Variants in PPP1R13B observed in about 807,000 individuals in gnomAD.
The protein encoded by PPP1R13B is apoptosis-stimulating of p53 protein 1.
In PPP1R13B, 44 loss-of-function variants were observed where a neutral mutation model predicts 119.8. The observed-to-expected ratio is 0.37, with a 90% CI of 0.29 to 0.47. The LOEUF (loss-of-function observed/expected upper bound fraction) is 0.47, where lower values mean the gene tolerates loss of function less well. Among genes scored for constraint, PPP1R13B ranks in the 20% least tolerant of loss-of-function variants. PPP1R13B has a pLI of 0.99. For synonymous variants in PPP1R13B, 542 were observed against 561.5 expected (o/e 0.97, Z 0.49); for missense variants, 1,227 against 1,413.5 (o/e 0.87, Z 2.12).
At chr14:103,820,920 T>C (rs1427022210) in intron 1 of PPP1R13B, among the ~76,000 whole-genome samples, 1 of 152,170 alleles carries the variant, frequency 6.6e-6, no homozygotes, top group Non-Finnish European at 1.5e-5. Flanking sequence ...GATAACTTTT[T>C]GTTTTTCTTG....
intron 4 of PPP1R13B, among the ~76,000 whole-genome samples, chr14:103,765,407 A>C (rs1395304558): frequency 6.6e-6 from 1 of 152,108 alleles, no homozygotes; most frequent in African/African-American, 2.4e-5. Context: ...CACCTTGCCA[A>C]AACATCCACT....
chr14:103,742,548 G>A lies in PPP1R13B; in HGVS notation c.1320+106C>T. On this transcript the variant is annotated intron_variant, in intron 10 of 16. Transcript: ENST00000202556. The surrounding 1 kb of genome is among the most constrained non-coding windows in gnomAD (Gnocchi z 4.9). The stretch of plus-strand genomic sequence containing the variant: ...TTGGGTGTTGTCTGGACAATAACAG[G>A]ATTAACTTGCCTCCTGACAAGTCAT... The A allele has an allele frequency of 6.9e-7, 1 of 1,444,042 alleles. No homozygotes were observed. Among genetic ancestry groups the A allele is most frequent in the East Asian group, 2.3e-5 (1 of 43,728 alleles). The allele number at this position is 1,444,042 out of a possible 1,614,324, so 89.5% of individuals were successfully genotyped here. A position where few individuals can be genotyped will look rare whatever the true frequency, so the allele number is the denominator to read the frequency against.
At position 103,734,710 on chromosome 14, in the gene PPP1R13B, A is replaced by G. The variant is rs1420716830; in HGVS notation, c.*444T>C. On this transcript the variant is annotated 3_prime_UTR_variant, in exon 17 of 17. Transcript: ENST00000202556. ...GGATCATGTGTGGGAAGTGTGAGAA[A>G]GGATGAGTGTCCGATTCGGTGACGG... 4.4e-6 allele frequency: 2 copies of G among 458,374 alleles called. No individual in the cohort carries two copies. The highest frequency in any genetic ancestry group is 6.9e-5 in the East Asian group (1 of 14,522). The allele number at this position is 458,374 out of a possible 1,614,324, so 28.4% of individuals were successfully genotyped here.
Position 103,738,920 on chromosome 14 carries a change from C to T in PPP1R13B, c.2696G>A (p.Gly899Glu). Residue 899 changes from glycine (G) to glutamate (E), a missense_variant, in exon 13 of 17, where the codon GGA becomes GAA. By Grantham distance (98) the Gly-to-Glu change is moderately conservative. Coordinates refer to ENST00000202556, the MANE Select transcript of PPP1R13B (RefSeq NM_015316.3). The surrounding 1 kb of genome is among the most constrained non-coding windows in gnomAD (Gnocchi z 5.6). ...LALLLDASLE[G>E]EFDLVQRIIY... ...GATCCTCTGCACCAGATCGAACTCT[C>T]CTTCCAGAGACGCGTCTAGGAGCAG... 1 of 1,614,138 alleles carries T rather than the reference C, an allele frequency of 6.2e-7. No individual in the cohort carries two copies. The highest frequency in any genetic ancestry group is 8.5e-7 in the Non-Finnish European group (1 of 1,180,014).
chr14:103,753,733 T>C (rs2084605786), intron 6 of PPP1R13B, among the ~76,000 whole-genome samples: 1 of 152,178 alleles, frequency 6.6e-6, no homozygotes, highest in South Asian at 2.1e-4. Context: ...CTACTGCGTC[T>C]GAGGGCCGCA....
chr14:103,795,204 C>G (rs1313143783), intron 2 of PPP1R13B, among the ~76,000 whole-genome samples: 1 of 152,084 alleles, frequency 6.6e-6, no homozygotes, highest in African/African-American at 2.4e-5. Flanking sequence ...TCCTAAAGGG[C>G]TGGGATTAGA....
Position 103,734,572 on chromosome 14 carries a change from G to A in PPP1R13B, c.*582C>T, listed in dbSNP as rs561065469. 2 of 456,516 alleles carry A rather than the reference G, an allele frequency of 4.4e-6. No homozygotes were observed. Among genetic ancestry groups the A allele is most frequent in the South Asian group, 1.5e-5 (1 of 64,568 alleles). 28.3% of individuals were successfully genotyped at this position (456,516 alleles called of 1,614,324 possible). ...TCAGCCTTTAGGTGAACTGGAACAG[G>A]AAGCGGAACCCCCAAGGCGGCCGAG... On this transcript the variant is annotated 3_prime_UTR_variant, in exon 17 of 17. Transcript: ENST00000202556.
intron 4 of PPP1R13B, among the ~76,000 whole-genome samples, chr14:103,767,774 T>A (rs186225251): frequency 3.1e-4 from 47 of 152,344 alleles, no homozygotes; most frequent in African/African-American, 1.1e-3. Flanking sequence ...TCTGTCACCA[T>A]ACAGTTTCAT....
chr14:103,751,319 TA>T (rs1246252444), intron 7 of PPP1R13B, among the ~76,000 whole-genome samples: 1 of 152,196 alleles, frequency 6.6e-6, no homozygotes, highest in Non-Finnish European at 1.5e-5. Flanking sequence ...TGAAACCTTA[TA>T]ATACTGTAGT....
At chr14:103,781,362 G>A (rs2085331025) in intron 3 of PPP1R13B, among the ~76,000 whole-genome samples, 1 of 152,164 alleles carries the variant, frequency 6.6e-6, no homozygotes, top group East Asian at 1.9e-4. Flanking sequence ...TAAGGTAAAA[G>A]TAGATGAAGA....
chr14:103,784,583 C>CAAAAAAA (rs546875688), intron 3 of PPP1R13B, among the ~76,000 whole-genome samples: 10 of 60,570 alleles, frequency 1.7e-4, no homozygotes, highest in Non-Finnish European at 2.4e-4. Context: ...ACTCTGTCTC[C>CAAAAAAA]AAAAAAAAAA....
intron 9 of PPP1R13B, among the ~76,000 whole-genome samples, chr14:103,744,372 C>T (rs983789805): frequency 6.6e-6 from 1 of 152,112 alleles, no homozygotes; most frequent in African/African-American, 2.4e-5. Flanking sequence ...ACAAAACCCG[C>T]GCTACGCCAG....
intron 4 of PPP1R13B, among the ~76,000 whole-genome samples, chr14:103,772,478 C>T (rs1488399758): frequency 6.6e-6 from 1 of 152,182 alleles, no homozygotes; most frequent in Non-Finnish European, 1.5e-5. Context: ...CAATTTCTCC[C>T]TTTCCTCACC....
chr14:103,747,194 GTCC>G (rs2084406983), intron 8 of PPP1R13B: 1 of 152,210 alleles, frequency 6.6e-6, no homozygotes, highest in South Asian at 2.1e-4. Flanking sequence ...AACTACTGAC[GTCC>G]TCAAGATTTC....
chr14:103,839,627 CAAA>C (rs34211181), intron 1 of PPP1R13B, among the ~76,000 whole-genome samples: 1 of 135,080 alleles, frequency 7.4e-6, no homozygotes, highest in African/African-American at 2.7e-5. Context: ...AACTCTGCCT[CAAA>C]AAAAAAAAAA....
At chr14:103,776,804 G>A (rs1456752342) in intron 4 of PPP1R13B, among the ~76,000 whole-genome samples, 45 of 151,462 alleles carry the variant, frequency 3.0e-4, no homozygotes, top group Admixed American at 2.9e-3. Context: ...TCCGGGAGGC[G>A]GAGCTTGCAG....
rs1025087976 is a variant in PPP1R13B at position 103,798,381 on chromosome 14, C to T, written c.10-863G>A. On this transcript the variant is annotated intron_variant, in intron 1 of 16. Transcript: ENST00000202556. ...GTTAGCCAGGATGGTCTCGATCTCC[C>T]GACCTCGTGATCCACCCGTCTCGGC... Among the ~76,000 whole-genome samples the T allele has an allele frequency of 3.8e-4, 57 of 151,826 alleles. 1 individual carries two copies. The highest frequency in any genetic ancestry group is 3.4e-3 in the Middle Eastern group (1 of 294).
In PPP1R13B at chr14:103,818,505, G is replaced by A. The variant is rs183193841; in HGVS notation, c.10-20987C>T. 8.1e-6 allele frequency: 8 copies of A among 982,564 alleles called. No homozygotes were observed. In the East Asian group the frequency reaches 4.5e-4, roughly 56 times the overall value. 60.9% of individuals were successfully genotyped at this position (982,564 alleles called of 1,614,324 possible). ...CCTGTTTTCACACAGGGAGAAGAACGAATATTTTCTTGGCAGCTACTAGAC... is the reference window on the plus strand; with the variant it reads ...CCTGTTTTCACACAGGGAGAAGAACAAATATTTTCTTGGCAGCTACTAGAC... On this transcript the variant is annotated intron_variant, in intron 1 of 16. Coordinates refer to ENST00000202556, the MANE Select transcript of PPP1R13B (RefSeq NM_015316.3).
chr14:103,748,274 CA>C (rs2084444751), intron 8 of PPP1R13B, among the ~76,000 whole-genome samples: 2 of 152,298 alleles, frequency 1.3e-5, no homozygotes, highest in African/African-American at 4.8e-5. Flanking sequence ...CATCTGAAAT[CA>C]TAAAGTTGTA....
Sources: gnomAD v4.1 joint callset for allele counts (sites outside exome capture counted in the v4.1 genomes callset) on GRCh38, gnomAD v4.1.1 for gene constraint, Gnocchi (gnomAD v3.1) non-coding constraint, MANE v1.5 for transcripts, NCBI Gene and HGNC (gene_info 2026-07-23, HGNC 2026-07-21) for gene names.